The following PRELID2 variants were observed in gnomAD, a reference collection of about 807,000 sequenced individuals.
PRELID2 encodes PRELI domain containing 2, also known as PRELI domain-containing protein 2.
A neutral mutation model predicts 28.4 loss-of-function variants in PRELID2; 25 were observed. The ratio of observed to expected loss-of-function variants is 0.88; its 90% CI spans 0.64 to 1.23. The LOEUF is 1.23. Among genes scored for constraint, PRELID2 ranks in the 50% most tolerant of loss-of-function variants. PRELID2 has a pLI of 0.00. For synonymous variants in PRELID2, 76 were observed against 71.6 expected, an observed-to-expected ratio of 1.06 and a Z score of -0.31; for missense variants, 201 against 214.4, an observed-to-expected ratio of 0.94 and a Z score of 0.39.
intron 1 of PRELID2, among the ~76,000 whole-genome samples, chr5:145,721,617 G>A (rs545224419): frequency 3.9e-5 from 6 of 152,108 alleles, no homozygotes; most frequent in Non-Finnish European, 7.4e-5. Flanking sequence ...AAGGATATTA[G>A]TTAATTGTGG....
At chr5:145,777,536 G>A (rs1758487242) in intron 5 of PRELID2, among the ~76,000 whole-genome samples, 1 of 152,194 alleles carries the variant, frequency 6.6e-6, no homozygotes, top group South Asian at 2.1e-4. Flanking sequence ...CTATAAAATG[G>A]TAATGATAAT....
At chr5:145,255,537 G>T in the PRELID2 span, among the ~76,000 whole-genome samples, 10 of 152,026 alleles carry the variant, frequency 6.6e-5, no homozygotes, top group African/African-American at 2.2e-4. Context: ...GCTTTGGGAG[G>T]CAGAGGTGAG....
chr5:145,728,465 A>G, intron 1 of PRELID2: 1 of 624,372 alleles, frequency 1.6e-6, no homozygotes, highest in East Asian at 2.7e-5. Flanking sequence ...ACCAGATTGA[A>G]GGGAACAGGA....
chr5:145,749,603 C>A (rs946442695), intron 1 of PRELID2, among the ~76,000 whole-genome samples: 1 of 152,160 alleles, frequency 6.6e-6, no homozygotes, highest in Non-Finnish European at 1.5e-5. Context: ...ACCCAGCAAT[C>A]CCATTACTGG....
the PRELID2 span, among the ~76,000 whole-genome samples, chr5:145,249,254 G>A: frequency 3.9e-5 from 6 of 152,134 alleles, no homozygotes; most frequent in Non-Finnish European, 8.8e-5. Context: ...ACAAGCTCTT[G>A]TTAGTCAATA....
At chr5:145,320,716 T>C in the PRELID2 span, among the ~76,000 whole-genome samples, 1 of 152,336 alleles carries the variant, frequency 6.6e-6, no homozygotes, top group African/African-American at 2.4e-5. Flanking sequence ...GGAGATATTA[T>C]AATTTAGGAT....
At chr5:145,743,436 AAAAAGAGAAAAGG>A (rs1756895757) in intron 1 of PRELID2, among the ~76,000 whole-genome samples, 2 of 151,482 alleles carry the variant, frequency 1.3e-5, no homozygotes, top group South Asian at 4.2e-4. Context: ...AAAAAGAAAG[AAAAAGAGAAAAGG>A]AAACAACCAT....
chr5:145,251,711 G>A, the PRELID2 span, among the ~76,000 whole-genome samples: 2 of 152,056 alleles, frequency 1.3e-5, no homozygotes, highest in African/African-American at 2.4e-5. Context: ...CCTAGTTTTG[G>A]TTATGGACAT....
chr5:145,229,164 C>A, the PRELID2 span: 1 of 960,714 alleles, frequency 1.0e-6, no homozygotes, highest in Non-Finnish European at 1.7e-6. Context: ...GTCCCACAGC[C>A]CCACAAGAAA....
chr5:145,447,578 G>C, the PRELID2 span, among the ~76,000 whole-genome samples: 23 of 129,446 alleles, frequency 1.8e-4, no homozygotes, highest in Non-Finnish European at 3.1e-4. Context: ...CCACTAACTC[G>C]TCATCTAGCA....
the PRELID2 span, among the ~76,000 whole-genome samples, chr5:145,242,074 GA>G: frequency 2.0e-5 from 3 of 151,896 alleles, no homozygotes; most frequent in African/African-American, 7.2e-5. Flanking sequence ...TGCTCAATTT[GA>G]AGCATTGTTC....
the PRELID2 span, among the ~76,000 whole-genome samples, chr5:145,441,455 T>C: frequency 6.6e-6 from 1 of 152,096 alleles, no homozygotes; most frequent in African/African-American, 2.4e-5. Flanking sequence ...ACTCCTCTCT[T>C]ATCTATTTTC....
the PRELID2 span, among the ~76,000 whole-genome samples, chr5:145,333,037 G>A: frequency 2.6e-5 from 4 of 152,160 alleles, no homozygotes; most frequent in South Asian, 6.2e-4. Context: ...TCTGCTGCAG[G>A]TCTGCTGGAG....
At chr5:145,748,234 G>A (rs1171481640) in intron 1 of PRELID2, among the ~76,000 whole-genome samples, 3 of 152,170 alleles carry the variant, frequency 2.0e-5, no homozygotes, top group Admixed American at 6.5e-5. Context: ...GTTTGCAGAC[G>A]ACATGATTTT....
At chr5:145,371,802 C>A in the PRELID2 span, among the ~76,000 whole-genome samples, 1 of 150,178 alleles carries the variant, frequency 6.7e-6, no homozygotes, top group Non-Finnish European at 1.5e-5. Flanking sequence ...TGGTGATATC[C>A]CTGTTACCAT....
intron 1 of PRELID2, among the ~76,000 whole-genome samples, chr5:145,743,603 A>AC (rs75830134): frequency 0.84 from 126,488 of 151,350 alleles, 53,168 homozygotes; most frequent in East Asian, 0.96. Context: ...GGGAATCCCC[A>AC]CCCCCCAGCC....
chr5:145,440,434 GAAT>G, the PRELID2 span, among the ~76,000 whole-genome samples: 4 of 152,036 alleles, frequency 2.6e-5, no homozygotes, highest in Non-Finnish European at 4.4e-5. Context: ...TCAGAAAACC[GAAT>G]AATAGCCAAT....
intron 5 of PRELID2, among the ~76,000 whole-genome samples, chr5:145,767,535 A>C (rs1488940511): frequency 2.0e-5 from 3 of 152,206 alleles, no homozygotes; most frequent in Non-Finnish European, 4.4e-5. Flanking sequence ...CTAAAAGAGC[A>C]CACTATAACA....
At chr5:145,613,626 C>T (rs936782738) in intron 1 of PRELID2, among the ~76,000 whole-genome samples, 1 of 152,056 alleles carries the variant, frequency 6.6e-6, no homozygotes, top group African/African-American at 2.4e-5. Flanking sequence ...ATTTGTATAT[C>T]TTCTTTTGAG....
Sources: allele counts gnomAD v4.1 joint callset (sites outside exome capture counted in the v4.1 genomes callset), GRCh38; gene constraint gnomAD v4.1.1; transcripts MANE v1.5; gene names NCBI Gene and HGNC (gene_info 2026-07-23, HGNC 2026-07-21).